Variants in NRXN3 observed in about 807,000 individuals in gnomAD.
NRXN3 encodes the protein neurexin III.
Under a neutral mutation model 137.6 loss-of-function variants are expected in NRXN3, and 32 were observed. That is an observed-to-expected ratio of 0.23 (90% CI 0.18 to 0.31). The LOEUF (loss-of-function observed/expected upper bound fraction) is 0.31. NRXN3 is among the 10% of genes least tolerant of loss of function. NRXN3 has a pLI of 1.00. For synonymous variants in NRXN3, 798 were observed against 784.5 expected (o/e 1.02, Z -0.29); for missense variants, 1,574 against 2,062.5 (o/e 0.76, Z 4.59).
At chr14:78,678,351 CT>C (rs1269519398) in intron 6 of NRXN3, among the ~76,000 whole-genome samples, 2 of 149,446 alleles carry the variant, frequency 1.3e-5, no homozygotes, top group African/African-American at 4.9e-5. Flanking sequence ...CAGGGTTTCA[CT>C]GTGTTGCCCA....
intron 4 of NRXN3, among the ~76,000 whole-genome samples, chr14:78,304,631 A>T (rs1432566643): frequency 6.6e-6 from 1 of 152,130 alleles, no homozygotes; most frequent in Non-Finnish European, 1.5e-5. Context: ...CCCGTTCTGG[A>T]TGAGGTTACC....
chr14:79,624,405 A>AT (rs1165965098), intron 16 of NRXN3, among the ~76,000 whole-genome samples: 1 of 151,298 alleles, frequency 6.6e-6, no homozygotes. Flanking sequence ...TATTGTAAAT[A>AT]TTTAAGATGT....
At chr14:79,469,255 A>G (rs764899898) in intron 16 of NRXN3, among the ~76,000 whole-genome samples, 25 of 152,188 alleles carry the variant, frequency 1.6e-4, no homozygotes, top group Non-Finnish European at 3.2e-4. Context: ...TTTGTAGAAC[A>G]TCTCCACTTT....
At chr14:79,487,446 GGACA>G (rs2096667774) in intron 16 of NRXN3, among the ~76,000 whole-genome samples, 1 of 152,090 alleles carries the variant, frequency 6.6e-6, no homozygotes, top group Admixed American at 6.5e-5. Flanking sequence ...CTGAATGCCA[GGACA>G]GACTCCCAAT....
intron 15 of NRXN3, among the ~76,000 whole-genome samples, chr14:79,230,625 G>A (rs2071999116): frequency 1.3e-5 from 2 of 152,100 alleles, no homozygotes. Flanking sequence ...CACTGGCTTT[G>A]GTGATTCACA....
intron 4 of NRXN3, among the ~76,000 whole-genome samples, chr14:78,619,569 T>A (rs1209579095): frequency 1.3e-5 from 2 of 152,148 alleles, no homozygotes; most frequent in Non-Finnish European, 1.5e-5. Context: ...GGTAATTGAA[T>A]CATGGGGGTT....
intron 1 of NRXN3, among the ~76,000 whole-genome samples, chr14:78,234,153 T>A (rs1168028863): frequency 1.3e-5 from 2 of 152,206 alleles, no homozygotes; most frequent in Non-Finnish European, 2.9e-5. Context: ...GCCATGATTG[T>A]GAGGCTTCTC....
At chr14:79,247,933 G>A (rs2075421878) in intron 15 of NRXN3, among the ~76,000 whole-genome samples, 1 of 151,766 alleles carries the variant, frequency 6.6e-6, no homozygotes. Context: ...TTCACCACTT[G>A]TTATCTATCA....
At chr14:79,784,209 C>G (rs987987258) in intron 19 of NRXN3, among the ~76,000 whole-genome samples, 1 of 152,154 alleles carries the variant, frequency 6.6e-6, no homozygotes, top group African/African-American at 2.4e-5. Context: ...TGGTTATTAA[C>G]CTGTTGTTGA....
At chr14:79,554,388 G>A (rs541850073) in intron 16 of NRXN3, among the ~76,000 whole-genome samples, 66 of 152,280 alleles carry the variant, frequency 4.3e-4, no homozygotes, top group Admixed American at 1.4e-3. Context: ...TCTTCATTGA[G>A]CATGACATAC....
chr14:78,804,091 A>G (rs184125711), intron 9 of NRXN3, among the ~76,000 whole-genome samples: 75 of 152,208 alleles, frequency 4.9e-4, no homozygotes, highest in Non-Finnish European at 7.9e-4. Context: ...GTTTTTTGGA[A>G]TCGTTTAGCT....
intron 15 of NRXN3, among the ~76,000 whole-genome samples, chr14:79,424,519 A>G (rs139582941): frequency 9.3e-4 from 141 of 152,316 alleles, no homozygotes; most frequent in African/African-American, 3.4e-3. Flanking sequence ...TAAAATTCAC[A>G]TTAACTACCT....
chr14:79,759,895 G>A (rs2099032562), intron 19 of NRXN3, among the ~76,000 whole-genome samples: 1 of 151,584 alleles, frequency 6.6e-6, no homozygotes, highest in Non-Finnish European at 1.5e-5. Context: ...CACGTGGGAA[G>A]ACAAGATCTG....
At chr14:79,541,749 A>T (rs1567443399) in intron 16 of NRXN3, among the ~76,000 whole-genome samples, 1 of 152,192 alleles carries the variant, frequency 6.6e-6, no homozygotes, top group Non-Finnish European at 1.5e-5. Context: ...CTAGCCAAAG[A>T]CTATCAGAAA....
At chr14:79,225,285 A>T (rs569819918) in intron 15 of NRXN3, among the ~76,000 whole-genome samples, 1 of 152,300 alleles carries the variant, frequency 6.6e-6, no homozygotes, top group Non-Finnish European at 1.5e-5. Context: ...GCAAAGTAAG[A>T]TAAAACCAAA....
At chr14:79,607,679 T>TC (rs2153848067) in intron 16 of NRXN3, among the ~76,000 whole-genome samples, 1 of 152,036 alleles carries the variant, frequency 6.6e-6, no homozygotes, top group East Asian at 1.9e-4. Context: ...TACAATTTTT[T>TC]TTTTTTTTTT....
chr14:79,414,111 G>A (rs2095461533), intron 15 of NRXN3, among the ~76,000 whole-genome samples: 2 of 152,152 alleles, frequency 1.3e-5, no homozygotes, highest in South Asian at 4.2e-4. Context: ...CATTCTGCGG[G>A]GGAGTGGGGG....
intron 4 of NRXN3, among the ~76,000 whole-genome samples, chr14:78,532,405 G>GTGTA (rs2096480106): frequency 6.6e-6 from 1 of 151,396 alleles, no homozygotes; most frequent in African/African-American, 2.4e-5. Context: ...GTGTGTGTGT[G>GTGTA]TGTGTGTGTG....
intron 15 of NRXN3, among the ~76,000 whole-genome samples, chr14:79,185,989 G>A (rs2063500056): frequency 6.6e-6 from 1 of 152,104 alleles, no homozygotes; most frequent in Non-Finnish European, 1.5e-5. Context: ...TTGAATCAAG[G>A]CTGTCCCCAC....
Sources: gnomAD v4.1 joint callset for allele counts (sites outside exome capture counted in the v4.1 genomes callset) on GRCh38, gnomAD v4.1.1 for gene constraint, MANE v1.5 for transcripts, NCBI Gene and HGNC (gene_info 2026-07-23, HGNC 2026-07-21) for gene names.